RGL2: variants seen among roughly 807,000 people sequenced by gnomAD.
RGL2 encodes ral guanine nucleotide dissociation stimulator like 2.
A neutral mutation model predicts 84.6 loss-of-function variants in RGL2; 40 were observed. The ratio of observed to expected loss-of-function variants is 0.47; its 90% CI spans 0.37 to 0.62. RGL2 has a LOEUF of 0.62. Among genes scored for constraint, RGL2 ranks in the 20% least tolerant of loss-of-function variants. The probability of loss-of-function intolerance (pLI) is 0.00; values close to 1 mark genes in which losing one functional copy is unlikely to be tolerated. For synonymous variants in RGL2, 369 were observed against 417.3 expected, an observed-to-expected ratio of 0.88 and a Z score of 1.41; for missense variants, 865 against 1,019.7, an observed-to-expected ratio of 0.85 and a Z score of 2.07.
In RGL2 at chr6:33,295,971, T is replaced by G; in HGVS notation, c.768+57A>C. 3 of 1,592,214 alleles carry G rather than the reference T, an allele frequency of 1.9e-6. No individual in the cohort carries two copies. Among genetic ancestry groups the G allele is most frequent in the Non-Finnish European group, 2.6e-6 (3 of 1,163,980 alleles). The stretch of plus-strand genomic sequence containing the variant: ...GTGGAAGCAAGGAAAGGATCTGGAG[T>G]CAAGGAGAGGTTAGTAAGGGGTCAG... On this transcript the variant is annotated intron_variant, in intron 6 of 17. Transcript: ENST00000497454. The surrounding 1 kb of genome is among the most constrained non-coding windows in gnomAD (Gnocchi z 7.2).
chr6:33,295,319 C>G lies in RGL2; in HGVS notation c.1124G>C (p.Arg375Thr), dbSNP rs776422447. Reference sequence around the variant, plus strand: ...CAGTCCAATGCCTCAGCCTCCGCACCTGGTTGCTTCCCCCCAGGCTGCCCG... The same window carrying G: ...CAGTCCAATGCCTCAGCCTCCGCACGTGGTTGCTTCCCCCCAGGCTGCCCG... ...RLRAAWGEAT[R>T]DSLRVFSSLC... The change falls in exon 8 of 18, where the codon AGG (arginine) becomes ACG (threonine). Residue 375 changes from arginine to threonine, a missense_variant and splice_region_variant. Arg to Thr is a moderately conservative substitution (Grantham distance 71). Around this residue, in one of 5 missense-constraint regions of RGL2, gnomAD observed 455 missense variants for 507.8 expected, o/e 0.90. Coordinates refer to ENST00000497454, the MANE Select transcript of RGL2 (RefSeq NM_004761.5). The surrounding 1 kb of genome is among the most constrained non-coding windows in gnomAD (Gnocchi z 7.2). 1 of 1,571,776 alleles carries G rather than the reference C, an allele frequency of 6.4e-7. No individual in the cohort carries two copies. The highest frequency in any genetic ancestry group is 8.6e-7 in the Non-Finnish European group (1 of 1,158,446).
Position 33,297,314 on chromosome 6 carries a change from C to T in RGL2, c.157-199G>A, listed in dbSNP as rs527686873. On this transcript the variant is annotated intron_variant, in intron 2 of 17. Transcript: ENST00000497454. This position sits in a 1 kb window ranked among gnomAD's most constrained non-coding sequence, Gnocchi z 4.0. Reference sequence around the variant, plus strand: ...GGGGCCCAGACAGCCCCACCCCAGCCGCCTCAGGGCCCCGGTGGAGTCGAA... The same window carrying T: ...GGGGCCCAGACAGCCCCACCCCAGCTGCCTCAGGGCCCCGGTGGAGTCGAA... 3.5e-5 allele frequency: 18 copies of T among 510,848 alleles called. No individual in the cohort carries two copies. The highest frequency in any genetic ancestry group is 9.6e-5 in the African/African-American group (5 of 52,338). 31.6% of individuals were successfully genotyped at this position (510,848 alleles called of 1,614,324 possible).
In RGL2 at chr6:33,295,605, G is replaced by A; in HGVS notation, c.923C>T (p.Ala308Val). Reference sequence around the variant, plus strand: ...CCCAGGTCCCTCTCCAGTGGAAGTAGCCCCCAGGACAGAACTAACCACTGC... The same window carrying A: ...CCCAGGTCCCTCTCCAGTGGAAGTAACCCCCAGGACAGAACTAACCACTGC... ...AGAVVSSVLGATSTGEGPGEV... is the reference protein window; with the variant it reads ...AGAVVSSVLGVTSTGEGPGEV... Residue 308 changes from alanine to valine, a missense_variant, in exon 7 of 18, where the codon GCT becomes GTT. By Grantham distance (64) the Ala-to-Val change is moderately conservative. This residue lies in a region of RGL2 where 455 missense variants were observed against 507.8 expected (regional missense o/e 0.90). Coordinates refer to ENST00000497454, the MANE Select transcript of RGL2 (RefSeq NM_004761.5). This position sits in a 1 kb window ranked among gnomAD's most constrained non-coding sequence, Gnocchi z 7.2. 2 of 1,613,976 alleles carry A rather than the reference G, an allele frequency of 1.2e-6. No homozygotes were observed. Among genetic ancestry groups the A allele is most frequent in the South Asian group, 1.1e-5 (1 of 91,090 alleles).
At position 33,291,983 on chromosome 6, in the gene RGL2, G is replaced by T; in HGVS notation, c.*119C>A. On this transcript the variant is annotated 3_prime_UTR_variant, in exon 18 of 18. Coordinates refer to ENST00000497454, the MANE Select transcript of RGL2 (RefSeq NM_004761.5). ...AAACCAGTGGCACTTCACTGCCCCA[G>T]GGTGGCTGGCTCCCTTTCTGAATTT... 1 of 1,085,104 alleles carries T rather than the reference G, an allele frequency of 9.2e-7. No individual in the cohort carries two copies. Among genetic ancestry groups the T allele is most frequent in the Non-Finnish European group, 1.4e-6 (1 of 732,506 alleles). The allele number at this position is 1,085,104 out of a possible 1,614,324, so 67.2% of individuals were successfully genotyped here. A position where few individuals can be genotyped will look rare whatever the true frequency, so the allele number is the denominator to read the frequency against.
In RGL2 at chr6:33,296,507, C is replaced by T. The variant is rs772100294; in HGVS notation, c.420-43G>A. The T allele has an allele frequency of 6.3e-7, 1 of 1,587,634 alleles. No individual in the cohort carries two copies. The highest frequency in any genetic ancestry group is 1.2e-5 in the South Asian group (1 of 86,934). On this transcript the variant is annotated intron_variant, in intron 4 of 17. Coordinates refer to ENST00000497454, the MANE Select transcript of RGL2 (RefSeq NM_004761.5). This position sits in a 1 kb window ranked among gnomAD's most constrained non-coding sequence, Gnocchi z 5.0. Reference sequence around the variant, plus strand: ...ATCTATCTGTCCATTTTTCCCAAACCCTCAGTGGCTTTGACTATTTTGGTG... The same window carrying T: ...ATCTATCTGTCCATTTTTCCCAAACTCTCAGTGGCTTTGACTATTTTGGTG...
Position 33,295,631 on chromosome 6 carries a change from C to A in RGL2, c.897G>T (p.Gly299=). The part of the protein sequence containing the change: ...ATVTQFNKVA[G]AVVSSVLGAT... Reference sequence around the variant, plus strand: ...CCCCCAGGACAGAACTAACCACTGCCCCTGCCACCTTGTTAAACTGTGTGA... The same window carrying A: ...CCCCCAGGACAGAACTAACCACTGCACCTGCCACCTTGTTAAACTGTGTGA... Residue 299 remains glycine (G), a synonymous_variant, in exon 7 of 18, where the codon GGG becomes GGT. Transcript: ENST00000497454. This position sits in a 1 kb window ranked among gnomAD's most constrained non-coding sequence, Gnocchi z 7.2. 2 of 1,613,992 alleles carry A rather than the reference C, an allele frequency of 1.2e-6. No individual in the cohort carries two copies. Among genetic ancestry groups the A allele is most frequent in the Non-Finnish European group, 1.7e-6 (2 of 1,180,048 alleles).
At position 33,293,870 on chromosome 6, in the gene RGL2, C is replaced by T. The variant is rs1343253997; in HGVS notation, c.1433G>A (p.Arg478His). 6.2e-6 allele frequency: 10 copies of T among 1,614,006 alleles called. No individual in the cohort carries two copies. Among genetic ancestry groups the T allele is most frequent in the African/African-American group, 1.3e-5 (1 of 74,900 alleles). ...SELRRLQNEC[R>H]GYNLQPDHDI... is the part of the protein sequence containing the mutation. ...ATGGTCAGGTTGGAGGTTATAGCCA[C>T]GACATTCATTCTGGAGCCGTCGCAA... is the stretch of plus-strand genomic sequence containing the variant. Residue 478 changes from arginine (R) to histidine (H), a missense_variant, in exon 13 of 18, where the codon CGT (arginine) becomes CAT (histidine). Transcript: ENST00000497454. This position sits in a 1 kb window ranked among gnomAD's most constrained non-coding sequence, Gnocchi z 7.0.
chr6:33,296,191 C>A lies in RGL2; in HGVS notation c.605G>T (p.Gly202Val), dbSNP rs780463159. The A allele has an allele frequency of 1.9e-6, 3 of 1,613,836 alleles. No homozygotes were observed. Among genetic ancestry groups the A allele is most frequent in the South Asian group, 1.1e-5 (1 of 91,090 alleles). The change falls in exon 6 of 18, where the codon GGG (glycine) becomes GTG (valine). Residue 202 changes from glycine to valine, a missense_variant. Physicochemically the swap from Gly to Val is moderately radical, Grantham distance 109 (BLOSUM62 -3). Transcript: ENST00000497454. The surrounding 1 kb of genome is among the most constrained non-coding windows in gnomAD (Gnocchi z 5.0). ...ATTGCGGATGAGGTCAGCGCTGCCC[C>A]CCCCAACACCCTTCCCTGCTGCATA... ...TGYAAGKGVG[G>V]GSADLIRNLR...
chr6:33,295,873 G>C lies in RGL2; in HGVS notation c.769-114C>G, dbSNP rs1767895501. On this transcript the variant is annotated intron_variant, in intron 6 of 17. Transcript: ENST00000497454. The surrounding 1 kb of genome is among the most constrained non-coding windows in gnomAD (Gnocchi z 7.2). Reference sequence around the variant, plus strand: ...GAACCAGAGGGGCACAGGGTTTGAAGGGTAACGACCAAAGGGAAAAGGGGA... The same window carrying C: ...GAACCAGAGGGGCACAGGGTTTGAACGGTAACGACCAAAGGGAAAAGGGGA... 1 of 1,453,300 alleles carries C rather than the reference G, an allele frequency of 6.9e-7. No homozygotes were observed. The highest frequency in any genetic ancestry group is 9.5e-7 in the Non-Finnish European group (1 of 1,057,484). The allele number at this position is 1,453,300 out of a possible 1,614,324, so 90.0% of individuals were successfully genotyped here.
chr6:33,291,713 C>T lies in RGL2; in HGVS notation c.*389G>A, dbSNP rs1340409974. 2.8e-6 allele frequency: 1 copy of T among 360,488 alleles called. No homozygotes were observed. The highest frequency in any genetic ancestry group is 6.7e-5 in the East Asian group (1 of 15,036). 22.3% of individuals were successfully genotyped at this position (360,488 alleles called of 1,614,324 possible). ...GTGTTGTCACAGTGATAGAAACCCCCAGAGTGGGAAGAAGAGCTCCTGCGA... is the reference window on the plus strand; with the variant it reads ...GTGTTGTCACAGTGATAGAAACCCCTAGAGTGGGAAGAAGAGCTCCTGCGA... On this transcript the variant is annotated 3_prime_UTR_variant, in exon 18 of 18. Transcript: ENST00000497454.
In RGL2 at chr6:33,294,957, C is replaced by T; in HGVS notation, c.1278+20G>A. 2 of 1,561,040 alleles carry T rather than the reference C, an allele frequency of 1.3e-6. No homozygotes were observed. Among genetic ancestry groups the T allele is most frequent in the South Asian group, 1.2e-5 (1 of 85,050 alleles). ...TTCATAATCACCACCCCCACGCCCA[C>T]CACCCCGCTAGTCACTCACCCCACC... On this transcript the variant is annotated intron_variant, in intron 10 of 17. Transcript: ENST00000497454. The surrounding 1 kb of genome is among the most constrained non-coding windows in gnomAD (Gnocchi z 5.0).
chr6:33,291,869 A>G lies in RGL2; in HGVS notation c.*233T>C. ...TTTTCCAGCACTACCTGTGTGCTGC[A>G]CTCATGGAAGGTGGGAAGCTATACA... On this transcript the variant is annotated 3_prime_UTR_variant, in exon 18 of 18. Transcript: ENST00000497454. The G allele has an allele frequency of 1.7e-6, 1 of 602,508 alleles. No individual in the cohort carries two copies. The highest frequency in any genetic ancestry group is 2.0e-5 in the South Asian group (1 of 50,300). The allele number at this position is 602,508 out of a possible 1,614,324, so 37.3% of individuals were successfully genotyped here.
In RGL2 at chr6:33,296,236, C is replaced by T. The variant is rs1767941881; in HGVS notation, c.560G>A (p.Ser187Asn). The change falls in exon 6 of 18, where the codon AGC (serine) becomes AAC (asparagine). Residue 187 changes from serine to asparagine, a missense_variant. Coordinates refer to ENST00000497454, the MANE Select transcript of RGL2 (RefSeq NM_004761.5). The surrounding 1 kb of genome is among the most constrained non-coding windows in gnomAD (Gnocchi z 5.0). ...TGCATACCCTGTCTGAAGTAAGAAG[C>T]TCTCAAGCCGGTCAAGCTGACCCTT... is the stretch of plus-strand genomic sequence containing the variant. ...EAKGQLDRLESFLLQTGYAAG... is the reference protein window; with the variant it reads ...EAKGQLDRLENFLLQTGYAAG... The T allele has an allele frequency of 6.2e-7, 1 of 1,613,898 alleles. No homozygotes were observed. Among genetic ancestry groups the T allele is most frequent in the African/African-American group, 1.3e-5 (1 of 74,950 alleles).
Position 33,295,074 on chromosome 6 carries a change from G to A in RGL2, c.1210-29C>T. On this transcript the variant is annotated intron_variant, in intron 9 of 17. Transcript: ENST00000497454. The surrounding 1 kb of genome is among the most constrained non-coding windows in gnomAD (Gnocchi z 7.2). ...GTGGTGACAAAATAAAAGAGACATG[G>A]GGGAGCAGTAGGGAACAAGGAGAGG... The A allele has an allele frequency of 1.9e-6, 3 of 1,589,432 alleles. No homozygotes were observed. Among genetic ancestry groups the A allele is most frequent in the Admixed American group, 1.8e-5 (1 of 56,800 alleles).
chr6:33,295,863 A>G lies in RGL2; in HGVS notation c.769-104T>C, dbSNP rs999781909. The stretch of plus-strand genomic sequence containing the variant: ...GGTGGCCAAGGAACCAGAGGGGCAC[A>G]GGGTTTGAAGGGTAACGACCAAAGG... On this transcript the variant is annotated intron_variant, in intron 6 of 17. Transcript: ENST00000497454. This position sits in a 1 kb window ranked among gnomAD's most constrained non-coding sequence, Gnocchi z 7.2. 5 of 1,453,980 alleles carry G rather than the reference A, an allele frequency of 3.4e-6. No homozygotes were observed. In the African/African-American group the frequency reaches 7.0e-5, roughly 20 times the overall value. 90.1% of individuals were successfully genotyped at this position (1,453,980 alleles called of 1,614,324 possible). A position where few individuals can be genotyped will look rare whatever the true frequency, so the allele number is the denominator to read the frequency against.
In RGL2 at chr6:33,293,458, A is replaced by C; in HGVS notation, c.1671T>G (p.Asp557Glu). Residue 557 changes from aspartate to glutamate, a missense_variant, in exon 15 of 18, where the codon GAT becomes GAG. Physicochemically the swap from Asp to Glu is conservative, Grantham distance 45 (BLOSUM62 2). This residue lies in a region of RGL2 where 302 missense variants were observed against 327.9 expected (regional missense o/e 0.92). Transcript: ENST00000497454. This position sits in a 1 kb window ranked among gnomAD's most constrained non-coding sequence, Gnocchi z 7.0. ...GAGGAGCAGGAGTTGTAGGCGCCTC[A>C]TCTCCCCCAGTACTGGGCCGGTCAC... is the stretch of plus-strand genomic sequence containing the variant. ...VSCDRPSTGGDEAPTTPAPLL... is the reference protein window; with the variant it reads ...VSCDRPSTGGEEAPTTPAPLL... 1.9e-6 allele frequency: 3 copies of C among 1,614,056 alleles called. No individual in the cohort carries two copies. The highest frequency in any genetic ancestry group is 2.5e-6 in the Non-Finnish European group (3 of 1,179,958).
In RGL2 at chr6:33,295,845, A is replaced by C; in HGVS notation, c.769-86T>G. 2 of 1,516,580 alleles carry C rather than the reference A, an allele frequency of 1.3e-6. No homozygotes were observed. The highest frequency in any genetic ancestry group is 2.4e-5 in the South Asian group (2 of 82,776). The allele number at this position is 1,516,580 out of a possible 1,614,324, so 93.9% of individuals were successfully genotyped here. A position where few individuals can be genotyped will look rare whatever the true frequency, so the allele number is the denominator to read the frequency against. On this transcript the variant is annotated intron_variant, in intron 6 of 17. Transcript: ENST00000497454. This position sits in a 1 kb window ranked among gnomAD's most constrained non-coding sequence, Gnocchi z 7.2. ...AGGGATCTGAGGATCTCAGGTGGCC[A>C]AGGAACCAGAGGGGCACAGGGTTTG...
In RGL2 at chr6:33,293,946, C is replaced by T. The variant is rs775796213; in HGVS notation, c.1387-30G>A. ...GAAGGAGCCCTCAAACTGCAGGAGC[C>T]AAAACTCAGGGACCCCTGACTTTTC... On this transcript the variant is annotated intron_variant, in intron 12 of 17. Transcript: ENST00000497454. This position sits in a 1 kb window ranked among gnomAD's most constrained non-coding sequence, Gnocchi z 7.0. 6.2e-7 allele frequency: 1 copy of T among 1,614,006 alleles called. No individual in the cohort carries two copies. The highest frequency in any genetic ancestry group is 1.1e-5 in the South Asian group (1 of 91,066).
chr6:33,293,884 G>A lies in RGL2; in HGVS notation c.1419C>T (p.Leu473=). The A allele has an allele frequency of 6.2e-7, 1 of 1,614,022 alleles. No homozygotes were observed. The highest frequency in any genetic ancestry group is 8.5e-7 in the Non-Finnish European group (1 of 1,180,018). Residue 473 remains leucine, a synonymous_variant, in exon 13 of 18, where the codon CTC becomes CTT. Transcript: ENST00000497454. This position sits in a 1 kb window ranked among gnomAD's most constrained non-coding sequence, Gnocchi z 7.0. ...GGTTATAGCCACGACATTCATTCTG[G>A]AGCCGTCGCAACTCAGAAAGGACTG... ...EFAVLSELRR[L]QNECRGYNLQ...
Sources: allele counts gnomAD v4.1 joint callset, GRCh38; gene constraint gnomAD v4.1.1; regional missense constraint gnomAD v4.1.1; non-coding constraint Gnocchi (gnomAD v3.1); transcripts MANE v1.5; gene names NCBI Gene and HGNC (gene_info 2026-07-23, HGNC 2026-07-21).